DDX21: variants seen among roughly 807,000 people sequenced by gnomAD.
DDX21 encodes DExD-box helicase 21, also known as nucleolar RNA helicase 2.
In DDX21, 18 loss-of-function variants were observed where a neutral mutation model predicts 90.0. The ratio of observed to expected loss-of-function variants is 0.20; its 90% CI spans 0.14 to 0.30. The LOEUF (loss-of-function observed/expected upper bound fraction) is 0.30. Among genes scored for constraint, DDX21 ranks in the 10% least tolerant of loss-of-function variants. The pLI is 1.00. For synonymous variants in DDX21, 294 were observed against 318.0 expected, an observed-to-expected ratio of 0.92 and a Z score of 0.80; for missense variants, 673 against 944.5, an observed-to-expected ratio of 0.71 and a Z score of 3.77.
chr10:68,966,090 A>G lies in DDX21; in HGVS notation c.904+596A>G, dbSNP rs547237919. Among the ~76,000 whole-genome samples, 3 of 151,418 alleles carry G rather than the reference A, an allele frequency of 2.0e-5. No homozygotes were observed. The East Asian group carries it at 6.1e-4, about 31-fold the overall frequency. ...GGCGGGCAGATCACAAGGGCAGGAG[A>G]TCGAGACCATCCTGGCTAACACGGT... On this transcript the variant is annotated intron_variant, in intron 5 of 14. Transcript: ENST00000354185.
Position 68,983,036 on chromosome 10 carries a change from G to A in DDX21, c.*224G>A. Reference sequence around the variant, plus strand: ...CTTCATCAGTTTTTCCTTTTGAAAGGTGTATGAATTCATTACATTTTTATT... The same window carrying A: ...CTTCATCAGTTTTTCCTTTTGAAAGATGTATGAATTCATTACATTTTTATT... On this transcript the variant is annotated 3_prime_UTR_variant, in exon 15 of 15. Coordinates refer to ENST00000354185, the MANE Select transcript of DDX21 (RefSeq NM_004728.4). 1.6e-6 allele frequency: 1 copy of A among 612,948 alleles called. No individual in the cohort carries two copies. Among genetic ancestry groups the A allele is most frequent in the Non-Finnish European group, 2.8e-6 (1 of 361,194 alleles). The allele number at this position is 612,948 out of a possible 1,614,324, so 38.0% of individuals were successfully genotyped here. A position where few individuals can be genotyped will look rare whatever the true frequency, so the allele number is the denominator to read the frequency against.
intron 13 of DDX21, among the ~76,000 whole-genome samples, chr10:68,979,567 G>A (rs566696461): frequency 2.0e-5 from 3 of 152,282 alleles, no homozygotes; most frequent in South Asian, 2.1e-4. Context: ...ATTTTATCAC[G>A]TCATATATGT....
At chr10:68,970,739 G>A (rs1320123513) in intron 8 of DDX21, among the ~76,000 whole-genome samples, 1 of 151,920 alleles carries the variant, frequency 6.6e-6, no homozygotes, top group Non-Finnish European at 1.5e-5. Flanking sequence ...TGAAACCTCC[G>A]CTTCTTGGGT....
intron 1 of DDX21, chr10:68,956,532 C>T (rs1221635208): frequency 1.4e-6 from 2 of 1,406,390 alleles, no homozygotes; most frequent in East Asian, 2.7e-5. Flanking sequence ...GTGCGCTGAC[C>T]TCTTCCTCTG....
At chr10:68,970,387 A>G in intron 8 of DDX21, 37 bp downstream of exon 8, 6 of 1,590,306 alleles carry the variant, frequency 3.8e-6, no homozygotes, top group Admixed American at 1.8e-5. Context: ...AACTGGGGAT[A>G]TCAACAAATC....
chr10:68,976,801 T>C (rs1048492931), intron 11 of DDX21, among the ~76,000 whole-genome samples: 2 of 152,196 alleles, frequency 1.3e-5, no homozygotes, highest in African/African-American at 4.8e-5. Flanking sequence ...CTCCCCTTTT[T>C]ACTGGATGAT....
rs752221284 is a variant in DDX21, at chr10:68,977,661, C to T, written c.1875C>T (p.Asp625=). 6.2e-7 allele frequency: 1 copy of T among 1,612,964 alleles called. No individual in the cohort carries two copies. Among genetic ancestry groups the T allele is most frequent in the Non-Finnish European group, 8.5e-7 (1 of 1,179,200 alleles). Residue 625 remains aspartate, a synonymous_variant, in exon 12 of 15, where the codon GAC becomes GAT. Transcript: ENST00000354185. ...ATATTTCAGGTGCCACGTCCGTAGA[C>T]CAGCGCTCCTTGATCAACTCAAATG... is the stretch of plus-strand genomic sequence containing the variant. The part of the protein sequence containing the change: ...LAHISGATSV[D]QRSLINSNVG...
At chr10:68,979,011 G>T (rs1387937145) in intron 13 of DDX21, 35 bp downstream of exon 13, 1 of 1,611,870 alleles carries the variant, frequency 6.2e-7, no homozygotes, top group Non-Finnish European at 8.5e-7. Context: ...CCTTGATGGG[G>T]CTTTATGTGG....
At chr10:68,959,607 T>C (rs866872385) in intron 1 of DDX21, among the ~76,000 whole-genome samples, 199 bp from the exon 2 acceptor site, 7 of 152,348 alleles carry the variant, frequency 4.6e-5, no homozygotes, top group Middle Eastern at 3.4e-3. Flanking sequence ...TCTATATATA[T>C]AGCTAAGAAG....
chr10:68,969,203 C>CT, intron 7 of DDX21, 82 bp downstream of exon 7: 1 of 1,318,726 alleles, frequency 7.6e-7, no homozygotes, highest in East Asian at 2.5e-5. Context: ...GGCAAATGCT[C>CT]TTTTTCCAGA....
rs185422706 is a variant in DDX21, at chr10:68,971,806, T to A, written c.1387-85T>A. 678 of 1,367,688 alleles carry A rather than the reference T, an allele frequency of 5.0e-4. 2 individuals carry two copies. The highest frequency in any genetic ancestry group is 4.8e-4 in the Non-Finnish European group (475 of 990,984). The allele number at this position is 1,367,688 out of a possible 1,614,324, so 84.7% of individuals were successfully genotyped here. A position where few individuals can be genotyped will look rare whatever the true frequency, so the allele number is the denominator to read the frequency against. On this transcript the variant is annotated intron_variant, in intron 8 of 14. Coordinates refer to ENST00000354185, the MANE Select transcript of DDX21 (RefSeq NM_004728.4). ...AACAGGCATGTCACCAAAATATGAATGTCTTTTACAGGCCTAACTGATGAA... is the reference window on the plus strand; with the variant it reads ...AACAGGCATGTCACCAAAATATGAAAGTCTTTTACAGGCCTAACTGATGAA...
chr10:68,974,825 TA>T, intron 11 of DDX21, 82 bp downstream of exon 11: 12 of 1,243,622 alleles, frequency 9.6e-6, no homozygotes, highest in South Asian at 1.5e-5. Flanking sequence ...AGATTTGACT[TA>T]AAAAAATTTT....
chr10:68,981,423 G>T lies in DDX21; in HGVS notation c.2038-114G>T, dbSNP rs555985707. Reference sequence around the variant, plus strand: ...AGTTCATCTAAAATTATACCTGGTGGTTTTTTTGCTTTATGTTTTTTGTTT... The same window carrying T: ...AGTTCATCTAAAATTATACCTGGTGTTTTTTTTGCTTTATGTTTTTTGTTT... On this transcript the variant is annotated intron_variant, in intron 13 of 14. Coordinates refer to ENST00000354185, the MANE Select transcript of DDX21 (RefSeq NM_004728.4). 24 of 961,640 alleles carry T rather than the reference G, an allele frequency of 2.5e-5. No homozygotes were observed. The Admixed American group carries it at 5.8e-4, about 23-fold the overall frequency. 59.6% of individuals were successfully genotyped at this position (961,640 alleles called of 1,614,324 possible). A position where few individuals can be genotyped will look rare whatever the true frequency, so the allele number is the denominator to read the frequency against.
intron 11 of DDX21, among the ~76,000 whole-genome samples, chr10:68,976,608 C>T (rs1284960797): frequency 6.6e-6 from 1 of 152,046 alleles, no homozygotes. Flanking sequence ...ATTTTAACTG[C>T]ATTTTTCAAA....
chr10:68,960,148 A>C lies in DDX21; in HGVS notation c.430A>C (p.Arg144=), dbSNP rs143526452. 6.2e-7 allele frequency: 1 copy of C among 1,614,210 alleles called. No individual in the cohort carries two copies. The highest frequency in any genetic ancestry group is 8.5e-7 in the Non-Finnish European group (1 of 1,180,028). The change falls in exon 2 of 15, where the codon AGA becomes CGA. Residue 144 remains arginine (R), a synonymous_variant. Coordinates refer to ENST00000354185, the MANE Select transcript of DDX21 (RefSeq NM_004728.4). ...AGAAAAGGAAATGAATGGAGAAACT[A>C]GAGAGAAAAGCCCCAAACTGAAGAA... ...KKEKEMNGET[R]EKSPKLKNGF...
chr10:68,958,401 T>C (rs1016540023), intron 1 of DDX21, among the ~76,000 whole-genome samples: 6 of 151,854 alleles, frequency 4.0e-5, no homozygotes, highest in African/African-American at 1.5e-4. Flanking sequence ...CCTAAGTAGC[T>C]AGGAGTATAG....
rs748204520 is a variant in DDX21 at position 68,973,686 on chromosome 10, AT to A, written c.1668+24del. On this transcript the variant is annotated intron_variant, in intron 10 of 14. Coordinates refer to ENST00000354185, the MANE Select transcript of DDX21 (RefSeq NM_004728.4). ...AGCGGTAAAACTATTCTTACCTTTC[AT>A]TAAGCAAATGTTGAGTTCTAAAGTC... The A allele has an allele frequency of 6.5e-5, 105 of 1,605,096 alleles. No individual in the cohort carries two copies. The Middle Eastern group carries it at 6.6e-4, about 10-fold the overall frequency.
Position 68,963,420 on chromosome 10 carries a change from A to C in DDX21, c.737A>C (p.Glu246Ala), listed in dbSNP as rs1175297793. 2 of 1,613,988 alleles carry C rather than the reference A, an allele frequency of 1.2e-6. No homozygotes were observed. Among genetic ancestry groups the C allele is most frequent in the Non-Finnish European group, 1.7e-6 (2 of 1,180,020 alleles). Reference protein sequence around the residue: ...KTFSFAIPLIEKLHGELQDRK... With the variant: ...KTFSFAIPLIAKLHGELQDRK... Reference sequence around the variant, plus strand: ...TTCTCCTTTGCCATCCCTTTGATTGAGAAACTTCATGGGGAACTGCAAGAC... The same window carrying C: ...TTCTCCTTTGCCATCCCTTTGATTGCGAAACTTCATGGGGAACTGCAAGAC... The change falls in exon 4 of 15, where the codon GAG becomes GCG. Residue 246 changes from glutamate to alanine, a missense_variant. Around this residue, in one of 4 missense-constraint regions of DDX21, gnomAD observed 218 missense variants for 347.3 expected, o/e 0.63. Transcript: ENST00000354185.
rs574973395 is a variant in DDX21, at chr10:68,978,873, T to C, written c.1934T>C (p.Ile645Thr). The C allele has an allele frequency of 1.5e-4, 236 of 1,614,142 alleles. No homozygotes were observed. In the South Asian group the frequency reaches 2.0e-3, roughly 14 times the overall value. The change falls in exon 13 of 15, where the codon ATT becomes ACT. Residue 645 changes from isoleucine (I) to threonine (T), a missense_variant. By Grantham distance (89) the Ile-to-Thr change is moderately conservative. This residue lies in a region of DDX21 where 225 missense variants were observed against 298.8 expected (regional missense o/e 0.75). Coordinates refer to ENST00000354185, the MANE Select transcript of DDX21 (RefSeq NM_004728.4). The stretch of plus-strand genomic sequence containing the variant: ...GTGACCATGATCTTGCAGTGCTCAA[T>C]TGAAATGCCAAATATTAGTTATGCT... The part of the protein sequence containing the change: ...GFVTMILQCS[I>T]EMPNISYAWK...
Sources: gnomAD v4.1 joint callset for allele counts (sites outside exome capture counted in the v4.1 genomes callset) on GRCh38, gnomAD v4.1.1 for gene constraint, gnomAD v4.1.1 regional missense constraint, MANE v1.5 for transcripts, NCBI Gene and HGNC (gene_info 2026-07-23, HGNC 2026-07-21) for gene names.